Variants in CHEK1 observed in about 807,000 individuals in gnomAD.
CHEK1 encodes serine/threonine-protein kinase Chk1.
Under a neutral mutation model 60.2 loss-of-function variants are expected in CHEK1, and 32 were observed. That is an observed-to-expected ratio of 0.53 (90% CI 0.40 to 0.71). CHEK1 has a LOEUF of 0.71. Among genes scored for constraint, CHEK1 ranks in the 30% least tolerant of loss-of-function variants. The pLI is 0.00. For missense variants in CHEK1, 399 were observed against 564.6 expected, an observed-to-expected ratio of 0.71 and a Z score of 2.97; for synonymous variants, 179 against 187.2, an observed-to-expected ratio of 0.96 and a Z score of 0.36.
chr11:125,629,713 A>G (rs1940788455), intron 5 of CHEK1, among the ~76,000 whole-genome samples: 1 of 148,600 alleles, frequency 6.7e-6, no homozygotes, highest in South Asian at 2.2e-4. Context: ...CTAGCTCACT[A>G]TATGTATAAG....
intron 11 of CHEK1, among the ~76,000 whole-genome samples, chr11:125,647,751 A>AT (rs1261361468): frequency 2.6e-5 from 4 of 152,174 alleles, no homozygotes; most frequent in African/African-American, 9.6e-5. Flanking sequence ...GAATAATTTT[A>AT]TTTATGCTTC....
chr11:125,651,030 G>A (rs1565380278), intron 11 of CHEK1, among the ~76,000 whole-genome samples: 1 of 151,984 alleles, frequency 6.6e-6, no homozygotes, highest in African/African-American at 2.4e-5. Context: ...CATATGTACT[G>A]CCCTGGTCAT....
intron 7 of CHEK1, 40 bp downstream of exon 7, chr11:125,635,573 G>A (rs1460424702): frequency 7.7e-7 from 1 of 1,301,382 alleles, no homozygotes; most frequent in Non-Finnish European, 1.1e-6. Flanking sequence ...CCGATTTCTT[G>A]GATATGAAGT....
intron 13 of CHEK1, chr11:125,672,369 C>A (rs1350659735): frequency 8.3e-6 from 4 of 479,130 alleles, no homozygotes; most frequent in East Asian, 3.5e-5. Context: ...AAAAAAAAAT[C>A]AGGAATATTG....
intron 8 of CHEK1, among the ~76,000 whole-genome samples, chr11:125,640,919 A>G (rs778989335): frequency 1.3e-5 from 2 of 152,252 alleles, no homozygotes; most frequent in Non-Finnish European, 1.5e-5. Context: ...ATGAGCCACA[A>G]TGCCCTGCCA....
chr11:125,676,415 T>C, downstream of CHEK1: 1 of 1,614,112 alleles, frequency 6.2e-7, no homozygotes, highest in Non-Finnish European at 8.5e-7. Context: ...GCAGGTTCCC[T>C]CTCCACGAAG....
intron 13 of CHEK1, among the ~76,000 whole-genome samples, chr11:125,668,334 A>G (rs749102662): frequency 3.3e-5 from 5 of 152,098 alleles, no homozygotes; most frequent in Non-Finnish European, 5.9e-5. Flanking sequence ...ATTTTGTATA[A>G]TTTCCCTAAA....
chr11:125,673,100 T>G (rs1261813374), intron 13 of CHEK1, among the ~76,000 whole-genome samples: 4 of 152,110 alleles, frequency 2.6e-5, no homozygotes, highest in African/African-American at 9.6e-5. Flanking sequence ...TGCCGAAACC[T>G]CTCTCAAAAG....
At position 125,642,663 on chromosome 11, in the gene CHEK1, C is replaced by G. The variant is rs1941351206; in HGVS notation, c.815-1129C>G. ...AGAAAGGAAATAAATAACAGAGGAT[C>G]AAGATCCCTAAGGAGGTAGAAGGGT... On this transcript the variant is annotated intron_variant, in intron 8 of 12. Coordinates refer to ENST00000438015, the MANE Select transcript of CHEK1 (RefSeq NM_001114122.3). 2.0e-5 allele frequency among the ~76,000 whole-genome samples: 3 copies of G among 152,106 alleles called. No individual in the cohort carries two copies. The South Asian group carries it at 6.2e-4, about 32-fold the overall frequency.
At position 125,628,992 on chromosome 11, in the gene CHEK1, A is replaced by G. The variant is rs541741991; in HGVS notation, c.290-240A>G. On this transcript the variant is annotated intron_variant, in intron 3 of 12. Transcript: ENST00000438015. ...CAGAGGCTTTGAAGTCATGGCTTGCATTCTTGATTTGGATATTGGTTTTCT... is the reference window on the plus strand; with the variant it reads ...CAGAGGCTTTGAAGTCATGGCTTGCGTTCTTGATTTGGATATTGGTTTTCT... Among the ~76,000 whole-genome samples, 26 of 152,292 alleles carry G rather than the reference A, an allele frequency of 1.7e-4. No individual in the cohort carries two copies. In the South Asian group the frequency reaches 2.7e-3, roughly 16 times the overall value.
At chr11:125,675,307 G>A (rs1323903961) in intron 13 of CHEK1, among the ~76,000 whole-genome samples, 2 of 152,070 alleles carry the variant, frequency 1.3e-5, no homozygotes, top group South Asian at 4.1e-4. Context: ...CACTTTATAT[G>A]TGCCTTTCTT....
chr11:125,647,056 A>G (rs1941531963), intron 11 of CHEK1, among the ~76,000 whole-genome samples: 1 of 152,156 alleles, frequency 6.6e-6, no homozygotes, highest in South Asian at 2.1e-4. Context: ...AAGATTGTAA[A>G]GATTTATACT....
intron 13 of CHEK1, among the ~76,000 whole-genome samples, chr11:125,674,513 CAG>C (rs931377416): frequency 2.6e-5 from 4 of 152,184 alleles, no homozygotes; most frequent in African/African-American, 9.7e-5. Flanking sequence ...AGAGTGTAAA[CAG>C]GGATGCAGAA....
chr11:125,627,143 C>G (rs1940649658), intron 2 of CHEK1, among the ~76,000 whole-genome samples: 1 of 152,210 alleles, frequency 6.6e-6, no homozygotes, highest in South Asian at 2.1e-4. Flanking sequence ...GATCCTTGCT[C>G]TATCACATAC....
chr11:125,680,058 G>A (rs1172708334), downstream of CHEK1, among the ~76,000 whole-genome samples: 1 of 152,218 alleles, frequency 6.6e-6, no homozygotes, highest in African/African-American at 2.4e-5. Flanking sequence ...TGGTGGCTGT[G>A]TATCTACATT....
At chr11:125,629,531 T>A in intron 5 of CHEK1, 71 bp downstream of exon 5, 1 of 1,108,838 alleles carries the variant, frequency 9.0e-7, no homozygotes, top group Non-Finnish European at 1.3e-6. Context: ...ATTACCTAAT[T>A]ATTTTAATAT....
At chr11:125,636,343 T>G (rs1941074532) in intron 7 of CHEK1, among the ~76,000 whole-genome samples, 1 of 150,658 alleles carries the variant, frequency 6.6e-6, no homozygotes. Flanking sequence ...TGGATATGCC[T>G]TACTTTACTC....
chr11:125,630,193 C>G (rs528789682), intron 5 of CHEK1, among the ~76,000 whole-genome samples: 1 of 151,930 alleles, frequency 6.6e-6, no homozygotes, highest in Non-Finnish European at 1.5e-5. Context: ...GGATGGATAG[C>G]GAAAGCTTTA....
At chr11:125,672,254 T>C (rs1942222954) in intron 13 of CHEK1, 1 of 209,406 alleles carries the variant, frequency 4.8e-6, no homozygotes, top group Non-Finnish European at 9.5e-6. Flanking sequence ...GCACCCAGTT[T>C]AGTGTCGGTG....
Sources: allele counts gnomAD v4.1 joint callset (sites outside exome capture counted in the v4.1 genomes callset), GRCh38; gene constraint gnomAD v4.1.1; transcripts MANE v1.5; gene names NCBI Gene and HGNC (gene_info 2026-07-23, HGNC 2026-07-21).